The following ANKS1B variants were observed in gnomAD, a reference collection of about 807,000 sequenced individuals.
The protein encoded by ANKS1B is ankyrin repeat and sterile alpha motif domain-containing protein 1B.
Under a neutral mutation model 148.3 loss-of-function variants are expected in ANKS1B, and 36 were observed. The ratio of observed to expected loss-of-function variants is 0.24; its 90% CI spans 0.19 to 0.32. The LOEUF (loss-of-function observed/expected upper bound fraction) is 0.32. Among genes scored for constraint, ANKS1B ranks in the 10% least tolerant of loss-of-function variants. The probability of loss-of-function intolerance (pLI) is 1.00; values close to 1 mark genes in which losing one functional copy is unlikely to be tolerated. For synonymous variants in ANKS1B, 542 were observed against 560.8 expected, an observed-to-expected ratio of 0.97 and a Z score of 0.47; for missense variants, 1,157 against 1,542.6, an observed-to-expected ratio of 0.75 and a Z score of 4.19.
At chr12:99,294,818 T>C (rs1336831865) in intron 12 of ANKS1B, among the ~76,000 whole-genome samples, 2 of 152,172 alleles carry the variant, frequency 1.3e-5, no homozygotes, top group Non-Finnish European at 2.9e-5. Flanking sequence ...CACGCCCGGC[T>C]AATTTTGTAT....
At chr12:99,797,557 C>T (rs370652048) in intron 4 of ANKS1B, among the ~76,000 whole-genome samples, 1 of 145,338 alleles carries the variant, frequency 6.9e-6, no homozygotes, top group African/African-American at 2.6e-5. Flanking sequence ...TTAAAAAAAA[C>T]AAAATTTCCA....
At chr12:99,094,562 T>C (rs899606540) in intron 15 of ANKS1B, among the ~76,000 whole-genome samples, 2 of 152,180 alleles carry the variant, frequency 1.3e-5, no homozygotes, top group African/African-American at 4.8e-5. Flanking sequence ...GAAAGTGACA[T>C]GTAATTAAGA....
At chr12:99,297,343 T>G (rs1306347623) in intron 12 of ANKS1B, among the ~76,000 whole-genome samples, 2 of 152,174 alleles carry the variant, frequency 1.3e-5, no homozygotes, top group Non-Finnish European at 2.9e-5. Flanking sequence ...TAAATAAGAT[T>G]TTATCCTTAA....
At chr12:99,967,468 G>A (rs1603533267) in intron 1 of ANKS1B, among the ~76,000 whole-genome samples, 1 of 152,072 alleles carries the variant, frequency 6.6e-6, no homozygotes, top group East Asian at 1.9e-4. Flanking sequence ...ACCCAGGCTG[G>A]AGTGCAGTGG....
intron 16 of ANKS1B, among the ~76,000 whole-genome samples, chr12:99,080,320 C>T (rs2049261658): frequency 6.6e-6 from 1 of 152,148 alleles, no homozygotes; most frequent in African/African-American, 2.4e-5. Flanking sequence ...TGATCTTCTG[C>T]TTACTGGTGA....
At position 99,428,759 on chromosome 12, in the gene ANKS1B, C is replaced by T. The variant is rs114776615; in HGVS notation, c.1575+14914G>A. Among the ~76,000 whole-genome samples, 1,292 of 152,022 alleles carry T rather than the reference C, an allele frequency of 8.5e-3. 21 individuals are homozygous for T. Among genetic ancestry groups the T allele is most frequent in the African/African-American group, 0.03 (1,226 of 41,448 alleles). ...CCAGTAGCAATTAATATACGTAGTG[C>T]CTAAATCTTGGCATTAAACTACCAT... On this transcript the variant is annotated intron_variant, in intron 11 of 26. Coordinates refer to ENST00000683438, the MANE Select transcript of ANKS1B (RefSeq NM_001352186.2).
intron 1 of ANKS1B, among the ~76,000 whole-genome samples, chr12:99,915,735 G>A (rs1468454047): frequency 3.3e-5 from 5 of 152,126 alleles, no homozygotes; most frequent in East Asian, 1.9e-4. Flanking sequence ...CTGCTGTCAC[G>A]AACTAAGTGA....
chr12:99,315,974 A>T (rs1316896380), intron 12 of ANKS1B, among the ~76,000 whole-genome samples: 9 of 152,084 alleles, frequency 5.9e-5, no homozygotes, highest in African/African-American at 2.2e-4. Flanking sequence ...TCCAGCTTCA[A>T]CCATGTCCCT....
intron 8 of ANKS1B, among the ~76,000 whole-genome samples, chr12:99,751,154 C>A (rs1228578242): frequency 6.6e-6 from 1 of 151,878 alleles, no homozygotes; most frequent in African/African-American, 2.4e-5. Flanking sequence ...AGATTCTAAA[C>A]TTTCTTTAAC....
intron 1 of ANKS1B, among the ~76,000 whole-genome samples, chr12:99,873,034 T>A (rs975496161): frequency 6.6e-6 from 1 of 152,150 alleles, no homozygotes; most frequent in Non-Finnish European, 1.5e-5. Flanking sequence ...TCTTAATCTG[T>A]GTTTCAATTT....
At chr12:99,484,260 T>A in intron 10 of ANKS1B, among the ~76,000 whole-genome samples, 1 of 152,170 alleles carries the variant, frequency 6.6e-6, no homozygotes, top group African/African-American at 2.4e-5. Context: ...AGCTCAGATA[T>A]CATTGAGGAG....
chr12:99,551,162 C>T (rs947943940), intron 9 of ANKS1B, among the ~76,000 whole-genome samples: 1 of 152,136 alleles, frequency 6.6e-6, no homozygotes, highest in African/African-American at 2.4e-5. Context: ...AACAAAACAC[C>T]TAAAACACAG....
At chr12:99,660,699 TG>T (rs2098473201) in intron 8 of ANKS1B, among the ~76,000 whole-genome samples, 1 of 152,192 alleles carries the variant, frequency 6.6e-6, no homozygotes, top group Admixed American at 6.5e-5. Flanking sequence ...GTCTTTAACC[TG>T]TTCACAGTGA....
intron 9 of ANKS1B, among the ~76,000 whole-genome samples, chr12:99,553,071 A>C (rs2153173149): frequency 6.6e-6 from 1 of 152,364 alleles, no homozygotes; most frequent in African/African-American, 2.4e-5. Context: ...CATCATTTAA[A>C]GTTATAAAAA....
chr12:99,373,200 G>GGT (rs1170225588), intron 12 of ANKS1B, among the ~76,000 whole-genome samples: 4 of 152,090 alleles, frequency 2.6e-5, no homozygotes, highest in Non-Finnish European at 4.4e-5. Flanking sequence ...GGAACTATGG[G>GGT]GTAATTGTTC....
At chr12:99,629,442 C>T (rs2098138044) in intron 9 of ANKS1B, among the ~76,000 whole-genome samples, 1 of 152,126 alleles carries the variant, frequency 6.6e-6, no homozygotes, top group South Asian at 2.1e-4. Context: ...AGGTACTCTA[C>T]TATTACTACT....
intron 17 of ANKS1B, among the ~76,000 whole-genome samples, chr12:98,843,821 GTTATT>G (rs896262977): frequency 6.6e-6 from 1 of 152,146 alleles, no homozygotes; most frequent in African/African-American, 2.4e-5. Flanking sequence ...TACTCAAGGG[GTTATT>G]TTATCAGGTT....
chr12:99,060,419 G>A (rs578188204), intron 16 of ANKS1B, among the ~76,000 whole-genome samples: 6 of 152,054 alleles, frequency 3.9e-5, no homozygotes, highest in Admixed American at 6.5e-5. Flanking sequence ...CTGCTTGATC[G>A]ACTTCAACCA....
chr12:99,444,557 T>A (rs1481874423), intron 10 of ANKS1B, among the ~76,000 whole-genome samples: 1 of 151,874 alleles, frequency 6.6e-6, no homozygotes, highest in Non-Finnish European at 1.5e-5. Context: ...CAAAATAACA[T>A]CAAGGATGCC....
Sources: gnomAD v4.1 joint callset for allele counts (sites outside exome capture counted in the v4.1 genomes callset) on GRCh38, gnomAD v4.1.1 for gene constraint, MANE v1.5 for transcripts, NCBI Gene and HGNC (gene_info 2026-07-23, HGNC 2026-07-21) for gene names.